C8orf34: variants seen among roughly 807,000 people sequenced by gnomAD.
C8orf34 encodes uncharacterized protein C8orf34.
C8orf34 carries 65 observed loss-of-function variants against 68.3 expected under a neutral mutation model. That is an observed-to-expected ratio of 0.95 (90% CI 0.78 to 1.17). The LOEUF (loss-of-function observed/expected upper bound fraction) is 1.17, where lower values mean the gene tolerates loss of function less well. Ranked by LOEUF, C8orf34 falls within the 50% of genes most tolerant of loss-of-function variation. The probability of loss-of-function intolerance (pLI) is 0.00; values close to 1 mark genes in which losing one functional copy is unlikely to be tolerated. For synonymous variants in C8orf34, 244 were observed against 241.2 expected, an observed-to-expected ratio of 1.01 and a Z score of -0.11; for missense variants, 664 against 655.4, an observed-to-expected ratio of 1.01 and a Z score of -0.14.
intron 7 of C8orf34, among the ~76,000 whole-genome samples, chr8:68,550,309 A>T (rs1324019748): frequency 2.0e-5 from 3 of 151,728 alleles, no homozygotes; most frequent in African/African-American, 7.2e-5. Flanking sequence ...ATTTATAGCT[A>T]TTCCAAGTCC....
chr8:68,466,557 G>A (rs182974057), intron 3 of C8orf34, among the ~76,000 whole-genome samples: 7 of 151,558 alleles, frequency 4.6e-5, no homozygotes, highest in Non-Finnish European at 4.4e-5. Flanking sequence ...TATCTTTATG[G>A]TAATATACTT....
At chr8:68,675,475 G>A (rs773292047) in intron 8 of C8orf34, among the ~76,000 whole-genome samples, 1 of 151,944 alleles carries the variant, frequency 6.6e-6, no homozygotes, top group African/African-American at 2.4e-5. Context: ...TGTTTGTTAG[G>A]TTGTTTCTTT....
intron 7 of C8orf34, among the ~76,000 whole-genome samples, chr8:68,558,284 C>T (rs1013237306): frequency 7.9e-5 from 12 of 152,158 alleles, no homozygotes; most frequent in South Asian, 6.2e-4. Context: ...CATTGGAGAA[C>T]GAACTATTCT....
intron 10 of C8orf34, among the ~76,000 whole-genome samples, chr8:68,722,546 A>T (rs1821705642): frequency 6.6e-6 from 1 of 152,138 alleles, no homozygotes; most frequent in South Asian, 2.1e-4. Context: ...TGACAAAATC[A>T]ATGTATCGTT....
chr8:68,792,898 T>A (rs1473935073), intron 12 of C8orf34, among the ~76,000 whole-genome samples: 1 of 151,946 alleles, frequency 6.6e-6, no homozygotes, highest in African/African-American at 2.4e-5. Context: ...TGTATGTGTG[T>A]ATGTATGCAT....
chr8:68,699,320 A>G (rs1454383965), intron 8 of C8orf34, among the ~76,000 whole-genome samples: 1 of 152,134 alleles, frequency 6.6e-6, no homozygotes, highest in Non-Finnish European at 1.5e-5. Flanking sequence ...CCCTGTTAAA[A>G]ATGAACATGA....
chr8:68,561,377 C>T (rs906582347), intron 7 of C8orf34, among the ~76,000 whole-genome samples: 3 of 152,092 alleles, frequency 2.0e-5, no homozygotes, highest in African/African-American at 7.2e-5. Context: ...AAAAATCTTT[C>T]CTTTGTATAT....
intron 8 of C8orf34, among the ~76,000 whole-genome samples, chr8:68,650,535 A>C (rs975230720): frequency 3.7e-5 from 5 of 136,504 alleles, no homozygotes; most frequent in African/African-American, 1.4e-4. Context: ...GCTGGAGTGC[A>C]GTGGCAGGAT....
chr8:68,481,219 G>A (rs1412282750), intron 4 of C8orf34, among the ~76,000 whole-genome samples: 2 of 152,232 alleles, frequency 1.3e-5, no homozygotes, highest in Non-Finnish European at 2.9e-5. Context: ...CAGCTTTCAT[G>A]TGGTGTTGAG....
chr8:68,576,159 CAT>C (rs1159393262), intron 7 of C8orf34, among the ~76,000 whole-genome samples: 15 of 147,738 alleles, frequency 1.0e-4, no homozygotes, highest in Admixed American at 6.0e-4. Flanking sequence ...CACACACACA[CAT>C]ACACACCCAC....
At chr8:68,339,978 A>G (rs370240409) in intron 1 of C8orf34, among the ~76,000 whole-genome samples, 4 of 152,224 alleles carry the variant, frequency 2.6e-5, no homozygotes, top group South Asian at 4.1e-4. Context: ...TAATTGAATA[A>G]AAACTTTTCA....
At chr8:68,430,278 G>A (rs1416420324) in intron 1 of C8orf34, among the ~76,000 whole-genome samples, 2 of 152,084 alleles carry the variant, frequency 1.3e-5, no homozygotes, top group Non-Finnish European at 2.9e-5. Context: ...GACCCCACAG[G>A]GACAGAAGCT....
intron 11 of C8orf34, among the ~76,000 whole-genome samples, chr8:68,781,550 T>C (rs535395944): frequency 1.4e-4 from 21 of 152,320 alleles, no homozygotes; most frequent in African/African-American, 4.1e-4. Context: ...TCTGAATAAG[T>C]TGGCAAAGAG....
At chr8:68,398,901 A>G (rs1808832402) in intron 1 of C8orf34, among the ~76,000 whole-genome samples, 1 of 152,136 alleles carries the variant, frequency 6.6e-6, no homozygotes, top group Admixed American at 6.6e-5. Context: ...GGGCTGTCTC[A>G]TGGGTGTGTG....
At chr8:68,368,398 A>T (rs2129619687) in intron 1 of C8orf34, among the ~76,000 whole-genome samples, 1 of 152,010 alleles carries the variant, frequency 6.6e-6, no homozygotes, top group South Asian at 2.1e-4. Context: ...ATGGCTCTGT[A>T]TTATGGCTAT....
intron 7 of C8orf34, among the ~76,000 whole-genome samples, chr8:68,636,136 C>A (rs1188536675): frequency 1.3e-5 from 2 of 152,056 alleles, no homozygotes; most frequent in Non-Finnish European, 2.9e-5. Flanking sequence ...CTATCTTATG[C>A]AATTGGTTTT....
At chr8:68,512,225 T>C (rs946753337) in intron 5 of C8orf34, among the ~76,000 whole-genome samples, 4 of 152,224 alleles carry the variant, frequency 2.6e-5, no homozygotes, top group African/African-American at 9.6e-5. Flanking sequence ...ACAACGTTAA[T>C]TATGATTGAT....
intron 8 of C8orf34, among the ~76,000 whole-genome samples, chr8:68,705,410 T>C (rs1821133219): frequency 1.3e-5 from 2 of 152,102 alleles, no homozygotes; most frequent in African/African-American, 4.8e-5. Context: ...TAGTCAGATA[T>C]GCAGGAGAGA....
At chr8:68,583,039 A>G (rs142956935) in intron 7 of C8orf34, among the ~76,000 whole-genome samples, 1 of 152,282 alleles carries the variant, frequency 6.6e-6, no homozygotes, top group East Asian at 1.9e-4. Flanking sequence ...AATTTTCATT[A>G]TAAATGTAAG....
Sources: allele counts gnomAD v4.1 joint callset (sites outside exome capture counted in the v4.1 genomes callset), GRCh38; gene constraint gnomAD v4.1.1; transcripts MANE v1.5; gene names NCBI Gene and HGNC (gene_info 2026-07-23, HGNC 2026-07-21).